Variants in CEP78 observed in about 807,000 individuals in gnomAD.
CEP78 encodes the protein centrosomal protein 78.
CEP78 carries 76 observed loss-of-function variants against 81.2 expected under a neutral mutation model. The observed-to-expected ratio is 0.94, with a 90% CI of 0.78 to 1.13. The LOEUF (loss-of-function observed/expected upper bound fraction) is 1.13. Ranked by LOEUF, CEP78 falls within the 50% of genes most tolerant of loss-of-function variation. The probability of loss-of-function intolerance (pLI) is 0.00; values close to 1 mark genes in which losing one functional copy is unlikely to be tolerated. For synonymous variants in CEP78, 293 were observed against 301.4 expected, an observed-to-expected ratio of 0.97 and a Z score of 0.29; for missense variants, 918 against 846.8, an observed-to-expected ratio of 1.08 and a Z score of -1.04.
chr9:78,250,466 C>T (rs139856178), intron 8 of CEP78: 31 of 316,032 alleles, frequency 9.8e-5, no homozygotes, highest in African/African-American at 5.6e-4. Context: ...CGGCCGGGCA[C>T]GGTGGCTCAC....
At chr9:78,253,171 T>C in intron 9 of CEP78, 61 bp from the exon 10 acceptor site, 2 of 757,070 alleles carry the variant, frequency 2.6e-6, no homozygotes, top group Middle Eastern at 2.8e-4. Context: ...TGTTATTACC[T>C]AGTGTTAACT....
In CEP78 at chr9:78,271,950, G is replaced by A. The variant is rs920352181; in HGVS notation, c.*1099G>A. 6 of 150,946 alleles carry A rather than the reference G, an allele frequency of 4.0e-5. No individual in the cohort carries two copies. Among genetic ancestry groups the A allele is most frequent in the Non-Finnish European group, 7.4e-5 (5 of 68,004 alleles). 9.4% of individuals were successfully genotyped at this position (150,946 alleles called of 1,614,324 possible). A position where few individuals can be genotyped will look rare whatever the true frequency, so the allele number is the denominator to read the frequency against. On this transcript the variant is annotated 3_prime_UTR_variant, in exon 17 of 17. Coordinates refer to ENST00000643273, the MANE Select transcript of CEP78 (RefSeq NM_001330691.3). The stretch of plus-strand genomic sequence containing the variant: ...AGACGGAGTCTCGCTCTATTGCCCA[G>A]GCTGGAGTGCAGTGGTACAATCTCA...
Position 78,246,785 on chromosome 9 carries a change from A to G in CEP78, c.892+3A>G. 6.7e-7 allele frequency: 1 copy of G among 1,482,782 alleles called. No homozygotes were observed. Among genetic ancestry groups the G allele is most frequent in the Non-Finnish European group, 9.3e-7 (1 of 1,079,402 alleles). 91.9% of individuals were successfully genotyped at this position (1,482,782 alleles called of 1,614,324 possible). A position where few individuals can be genotyped will look rare whatever the true frequency, so the allele number is the denominator to read the frequency against. On this transcript the variant is annotated splice_donor_region_variant and intron_variant, in intron 6 of 16. Transcript: ENST00000643273. ...TATAAGAAAAAATCCACTCATTGGT[A>G]TGTCGCTACAATATTTTTTATTGAC...
rs752925558 is a variant in CEP78, at chr9:78,254,843, G to T, written c.1259G>T (p.Gly420Val). The T allele has an allele frequency of 1.9e-6, 3 of 1,607,192 alleles. No homozygotes were observed. Among genetic ancestry groups the T allele is most frequent in the Non-Finnish European group, 2.5e-6 (3 of 1,176,536 alleles). Residue 420 changes from glycine to valine, a missense_variant, in exon 11 of 17, where the codon GGT becomes GTT. Physicochemically the swap from Gly to Val is moderately radical, Grantham distance 109. Coordinates refer to ENST00000643273, the MANE Select transcript of CEP78 (RefSeq NM_001330691.3). ...RDICNQLQQP[G>V]FPVTVTVESP... The stretch of plus-strand genomic sequence containing the variant: ...TTGTCCTCTTTTTTTAAGCAACCAG[G>T]TTTTCCTGTGACTGTGACAGTAGAG...
intron 11 of CEP78, among the ~76,000 whole-genome samples, chr9:78,260,499 A>G (rs1429743751): frequency 6.6e-6 from 1 of 152,116 alleles, no homozygotes; most frequent in African/African-American, 2.4e-5. Flanking sequence ...TGAGTTCAGG[A>G]GATCGAGACC....
Position 78,236,175 on chromosome 9 carries a change from T to C in CEP78, c.-176T>C. The C allele has an allele frequency of 1.7e-6, 1 of 602,038 alleles. No individual in the cohort carries two copies. The highest frequency in any genetic ancestry group is 3.4e-5 in the Admixed American group (1 of 29,506). The allele number at this position is 602,038 out of a possible 1,614,324, so 37.3% of individuals were successfully genotyped here. A position where few individuals can be genotyped will look rare whatever the true frequency, so the allele number is the denominator to read the frequency against. On this transcript the variant is annotated 5_prime_UTR_variant, in exon 1 of 17. It removes the in-frame stop codon of an upstream open reading frame in the 5' UTR. Transcript: ENST00000643273. ...GGAGTGGGGCGTTGAGGGGCCGGCC[T>C]AGCTTGGGGCTCTGGCCTTGCGTCT...
At chr9:78,238,743 TTTAG>T (rs1411708312) in intron 1 of CEP78, among the ~76,000 whole-genome samples, 1 of 152,152 alleles carries the variant, frequency 6.6e-6, no homozygotes, top group African/African-American at 2.4e-5. Context: ...CTGAATGGAC[TTTAG>T]TTAACCAAAA....
At chr9:78,250,975 T>C (rs1246700657) in intron 8 of CEP78, among the ~76,000 whole-genome samples, 1 of 152,208 alleles carries the variant, frequency 6.6e-6, no homozygotes, top group East Asian at 1.9e-4. Flanking sequence ...TTGTAGATGC[T>C]GTCCTAAAGC....
Position 78,270,857 on chromosome 9 carries a change from C to A in CEP78, c.*6C>A. 1.4e-6 allele frequency: 1 copy of A among 690,648 alleles called. No individual in the cohort carries two copies. Among genetic ancestry groups the A allele is most frequent in the Non-Finnish European group, 2.7e-6 (1 of 377,196 alleles). The allele number at this position is 690,648 out of a possible 1,614,324, so 42.8% of individuals were successfully genotyped here. A position where few individuals can be genotyped will look rare whatever the true frequency, so the allele number is the denominator to read the frequency against. ...TGCTTCTAGAATCCCATTGAAATGA[C>A]TGGAGAAATATTAAAATAAAAATAA... On this transcript the variant is annotated 3_prime_UTR_variant, in exon 17 of 17. Coordinates refer to ENST00000643273, the MANE Select transcript of CEP78 (RefSeq NM_001330691.3).
chr9:78,263,469 C>T (rs1827370016), intron 12 of CEP78, among the ~76,000 whole-genome samples: 1 of 152,046 alleles, frequency 6.6e-6, no homozygotes, highest in Admixed American at 6.6e-5. Flanking sequence ...CTAGAAAGTT[C>T]TACATAACTA....
intron 11 of CEP78, among the ~76,000 whole-genome samples, chr9:78,260,439 G>A (rs921748432): frequency 5.3e-5 from 8 of 152,156 alleles, no homozygotes; most frequent in African/African-American, 1.9e-4. Flanking sequence ...CAGGTGCGGT[G>A]GCTCACGCCT....
intron 5 of CEP78, 25 bp downstream of exon 5, chr9:78,243,661 G>A (rs1329908858): frequency 6.3e-7 from 1 of 1,590,814 alleles, no homozygotes; most frequent in Admixed American, 1.7e-5. Context: ...CTTGTAAGGT[G>A]GAAAATATTG....
chr9:78,243,762 TTTG>T, intron 5 of CEP78, 126 bp downstream of exon 5: 1 of 672,760 alleles, frequency 1.5e-6, no homozygotes, highest in South Asian at 3.0e-5. Context: ...TAGGTTTTAT[TTTG>T]TTTTTAAGCC....
intron 11 of CEP78, among the ~76,000 whole-genome samples, chr9:78,258,806 G>C (rs1827149575): frequency 1.3e-5 from 2 of 152,196 alleles, no homozygotes; most frequent in Admixed American, 1.3e-4. Context: ...ATCAGTATGA[G>C]ATGCAACTAC....
chr9:78,240,362 A>C lies in CEP78; in HGVS notation c.497A>C (p.Glu166Ala). 6.4e-7 allele frequency: 1 copy of C among 1,574,396 alleles called. No homozygotes were observed. The highest frequency in any genetic ancestry group is 1.3e-5 in the African/African-American group (1 of 74,490). The change falls in exon 3 of 17, where the codon GAA becomes GCA. Residue 166 changes from glutamate (E) to alanine (A), a missense_variant and splice_region_variant. By Grantham distance (107) the Glu-to-Ala change is moderately radical. Transcript: ENST00000643273. ...TGTCCAATTGGAGATGGAGGTTTAGAAAGTGAGTTTAAATCTCATTTAACT... is the reference window on the plus strand; with the variant it reads ...TGTCCAATTGGAGATGGAGGTTTAGCAAGTGAGTTTAAATCTCATTTAACT... ...ANCPIGDGGLEIICQGIKSSI... is the reference protein window; with the variant it reads ...ANCPIGDGGLAIICQGIKSSI...
chr9:78,269,291 A>G (rs75743425), intron 16 of CEP78, among the ~76,000 whole-genome samples: 27 of 152,292 alleles, frequency 1.8e-4, no homozygotes, highest in African/African-American at 6.0e-4. Context: ...GGGTGGTGGT[A>G]TCATTGAGGC....
At chr9:78,267,016 T>G (rs930728302) in intron 16 of CEP78, 1 of 1,307,924 alleles carries the variant, frequency 7.6e-7, no homozygotes, top group African/African-American at 1.5e-5. Context: ...GACTAAATCT[T>G]TTGAAACTAT....
rs568432558 is a variant in CEP78, at chr9:78,246,865, A to T, written c.892+83A>T. 26 of 727,046 alleles carry T rather than the reference A, an allele frequency of 3.6e-5. No homozygotes were observed. The East Asian group carries it at 7.4e-4, about 21-fold the overall frequency. The allele number at this position is 727,046 out of a possible 1,614,324, so 45.0% of individuals were successfully genotyped here. A position where few individuals can be genotyped will look rare whatever the true frequency, so the allele number is the denominator to read the frequency against. Reference sequence around the variant, plus strand: ...CATGTATTGACAGTTTTGAAAACTTAATGTGTTTCCTTCCCTAATCTTACA... The same window carrying T: ...CATGTATTGACAGTTTTGAAAACTTTATGTGTTTCCTTCCCTAATCTTACA... On this transcript the variant is annotated intron_variant, in intron 6 of 16. Coordinates refer to ENST00000643273, the MANE Select transcript of CEP78 (RefSeq NM_001330691.3).
chr9:78,260,539 C>G (rs1405645232), intron 11 of CEP78, among the ~76,000 whole-genome samples: 1 of 151,890 alleles, frequency 6.6e-6, no homozygotes, highest in East Asian at 1.9e-4. Context: ...AACCCTGTCT[C>G]TACTAAAAAT....
Sources: gnomAD v4.1 joint callset for allele counts (sites outside exome capture counted in the v4.1 genomes callset) on GRCh38, gnomAD v4.1.1 for gene constraint, MANE v1.5 for transcripts, NCBI Gene and HGNC (gene_info 2026-07-23, HGNC 2026-07-21) for gene names.